Variants in KLRG1 observed in about 807,000 individuals in gnomAD.
KLRG1 encodes killer cell lectin-like receptor subfamily G member 1.
In KLRG1, 16 loss-of-function variants were observed where a neutral mutation model predicts 21.8. The ratio of observed to expected loss-of-function variants is 0.73; its 90% confidence interval spans 0.50 to 1.11. The LOEUF (loss-of-function observed/expected upper bound fraction) is 1.11. Ranked by LOEUF, KLRG1 falls within the 50% of genes most tolerant of loss-of-function variation. The pLI is 0.00. For synonymous variants in KLRG1, 69 were observed against 75.9 expected (o/e 0.91, Z 0.47); for missense variants, 173 against 218.3 (o/e 0.79, Z 1.31).
the KLRG1 span, among the ~76,000 whole-genome samples, chr12:9,167,751 G>T: frequency 6.6e-6 from 1 of 151,986 alleles, no homozygotes; most frequent in Admixed American, 6.5e-5. Context: ...TTTCCTGAGT[G>T]TTATTATATG....
chr12:9,184,462 C>T, the KLRG1 span, among the ~76,000 whole-genome samples: 1 of 152,224 alleles, frequency 6.6e-6, no homozygotes, highest in Non-Finnish European at 1.5e-5. Context: ...GTGGGGATCC[C>T]CCAATCCCCT....
chr12:9,079,159 T>A, the KLRG1 span: 1 of 1,010,296 alleles, frequency 9.9e-7, no homozygotes, highest in Non-Finnish European at 1.5e-6. Flanking sequence ...ACATATCTGA[T>A]AGTGTTGCTG....
chr12:8,983,553 A>G (rs1304847347), intron 1 of KLRG1, among the ~76,000 whole-genome samples: 1 of 151,798 alleles, frequency 6.6e-6, no homozygotes. Context: ...GGCGCCTGCC[A>G]CCACACCTAG....
At chr12:9,054,214 A>G in the KLRG1 span, among the ~76,000 whole-genome samples, 6 of 152,008 alleles carry the variant, frequency 3.9e-5, no homozygotes, top group Non-Finnish European at 5.9e-5. Context: ...GTTTTTATTT[A>G]TTTATCATGT....
At chr12:8,984,201 C>CTAT (rs937133673) in intron 1 of KLRG1, among the ~76,000 whole-genome samples, 11 of 151,362 alleles carry the variant, frequency 7.3e-5, no homozygotes, top group South Asian at 2.1e-4. Context: ...TCTCATTCAG[C>CTAT]TATTATTATT....
chr12:9,158,649 G>C, the KLRG1 span: 2 of 1,469,140 alleles, frequency 1.4e-6, no homozygotes, highest in Admixed American at 2.0e-5. Context: ...GTACACACAG[G>C]CTCCCCCATC....
the KLRG1 span, chr12:9,095,469 A>G: frequency 6.8e-7 from 1 of 1,466,692 alleles, no homozygotes; most frequent in South Asian, 1.2e-5. Context: ...GCATTCAAAT[A>G]CAGACTCTTT....
chr12:9,101,427 G>A, the KLRG1 span: 7 of 1,594,572 alleles, frequency 4.4e-6, no homozygotes, highest in Admixed American at 3.4e-5. Flanking sequence ...TGAAGTCAAC[G>A]CAGTAACCTC....
the KLRG1 span, among the ~76,000 whole-genome samples, chr12:9,033,713 G>A: frequency 6.6e-6 from 1 of 152,234 alleles, no homozygotes; most frequent in South Asian, 2.1e-4. Context: ...AGGCCCAGTG[G>A]TGAGAAGTTA....
the KLRG1 span, chr12:9,196,477 T>G: frequency 6.3e-7 from 1 of 1,576,128 alleles, no homozygotes; most frequent in Non-Finnish European, 8.7e-7. Context: ...TAGAAGTTAC[T>G]TTAGTCATAA....
At chr12:9,019,660 G>A in the KLRG1 span, among the ~76,000 whole-genome samples, 7 of 152,114 alleles carry the variant, frequency 4.6e-5, no homozygotes, top group South Asian at 2.1e-4. Flanking sequence ...TTATATATCC[G>A]TACTCCCATC....
the KLRG1 span, among the ~76,000 whole-genome samples, chr12:9,024,381 C>T: frequency 6.6e-6 from 1 of 152,064 alleles, no homozygotes; most frequent in Non-Finnish European, 1.5e-5. Flanking sequence ...ATATATCTAT[C>T]CTGTCACTTC....
chr12:9,141,432 C>T, the KLRG1 span, among the ~76,000 whole-genome samples: 5 of 152,136 alleles, frequency 3.3e-5, no homozygotes, highest in Non-Finnish European at 7.4e-5. Flanking sequence ...TCTATAGACC[C>T]TTTTTAACCC....
chr12:9,095,401 A>G, the KLRG1 span: 1 of 776,908 alleles, frequency 1.3e-6, no homozygotes, highest in Non-Finnish European at 2.0e-6. Flanking sequence ...ATCTGCTGCT[A>G]TTAGTAGAGA....
chr12:9,062,103 C>A, the KLRG1 span, among the ~76,000 whole-genome samples: 4 of 148,980 alleles, frequency 2.7e-5, no homozygotes, highest in Non-Finnish European at 5.9e-5. Flanking sequence ...TATAAAAAAT[C>A]ACCTGACACA....
At chr12:9,115,835 T>G in the KLRG1 span, 1 of 1,612,798 alleles carries the variant, frequency 6.2e-7, no homozygotes, top group Non-Finnish European at 8.5e-7. Flanking sequence ...GATGAAGGAG[T>G]TTGTTCTTCC....
At chr12:8,974,903 C>CT (rs112783184) in intron 1 of KLRG1, among the ~76,000 whole-genome samples, 53,277 of 148,072 alleles carry the variant, frequency 0.36, 10,508 homozygotes, top group Non-Finnish European at 0.44. Flanking sequence ...TCTTCTTCTT[C>CT]TTCTTTTTTT....
the KLRG1 span, among the ~76,000 whole-genome samples, chr12:9,031,559 G>A: frequency 1.5e-4 from 23 of 152,104 alleles, no homozygotes; most frequent in African/African-American, 5.3e-4. Flanking sequence ...CCAAAATATT[G>A]TCAACAAAAA....
At chr12:8,967,290 C>G (rs1294278905) in intron 1 of KLRG1, among the ~76,000 whole-genome samples, 14 of 151,838 alleles carry the variant, frequency 9.2e-5, no homozygotes, top group Non-Finnish European at 4.4e-5. Context: ...ACATATGTAA[C>G]AAACCTGTAA....
Sources: gnomAD v4.1 joint callset for allele counts (sites outside exome capture counted in the v4.1 genomes callset) on GRCh38, gnomAD v4.1.1 for gene constraint, MANE v1.5 for transcripts, NCBI Gene and HGNC (gene_info 2026-07-23, HGNC 2026-07-21) for gene names.